ALK: variants seen among roughly 807,000 people sequenced by gnomAD.
ALK encodes ALK tyrosine kinase receptor.
ALK carries 74 observed loss-of-function variants against 163.1 expected under a neutral mutation model. That is an observed-to-expected ratio of 0.45 (90% CI 0.38 to 0.55). The LOEUF (loss-of-function observed/expected upper bound fraction) is 0.55, where lower values mean the gene tolerates loss of function less well. Ranked by LOEUF, ALK falls within the 20% of genes least tolerant of loss-of-function variation. The pLI is 0.00. For synonymous variants in ALK, 960 were observed against 843.2 expected, an observed-to-expected ratio of 1.14 and a Z score of -2.40; for missense variants, 2,063 against 2,105.3, an observed-to-expected ratio of 0.98 and a Z score of 0.39.
intron 1 of ALK, among the ~76,000 whole-genome samples, chr2:29,741,901 GGAGA>G: frequency 6.6e-6 from 1 of 152,254 alleles, no homozygotes; most frequent in Middle Eastern, 3.4e-3. Context: ...GAGGAGCTGG[GGAGA>G]GAGAATTACT....
chr2:29,819,820 C>T (rs917021199), intron 1 of ALK, among the ~76,000 whole-genome samples: 13 of 152,180 alleles, frequency 8.5e-5, no homozygotes, highest in African/African-American at 3.1e-4. Flanking sequence ...CTGGAAGTGA[C>T]TGCTTGCCTT....
intron 3 of ALK, among the ~76,000 whole-genome samples, chr2:29,658,696 C>T (rs1327073403): frequency 6.6e-6 from 1 of 152,108 alleles, no homozygotes; most frequent in Non-Finnish European, 1.5e-5. Flanking sequence ...TTTTATTTAG[C>T]ATACATATTA....
intron 1 of ALK, among the ~76,000 whole-genome samples, chr2:29,885,011 T>G (rs951150933): frequency 1.3e-5 from 2 of 151,772 alleles, no homozygotes; most frequent in African/African-American, 4.8e-5. Context: ...TCAGGACTTA[T>G]CAATACAGCT....
Position 29,618,409 on chromosome 2 carries a change from ATT to A in ALK, c.952+76439_952+76440del, listed in dbSNP as rs373897220. ...ACCTTCAAGTTGTCATCAGTTTGTC[ATT>A]TTTTTTTTTTTGTTGACAAATTAAG... is the stretch of plus-strand genomic sequence containing the variant. On this transcript the variant is annotated intron_variant, in intron 3 of 28. Transcript: ENST00000389048. 5.2e-3 allele frequency among the ~76,000 whole-genome samples: 751 copies of A among 145,564 alleles called. 8 individuals carry two copies. Among genetic ancestry groups the A allele is most frequent in the African/African-American group, 0.016 (659 of 39,984 alleles).
At chr2:29,205,850 C>T (rs924187828) in intron 26 of ALK, among the ~76,000 whole-genome samples, 1 of 152,302 alleles carries the variant, frequency 6.6e-6, no homozygotes, top group East Asian at 1.9e-4. Context: ...GGGATTAGGA[C>T]CTGATACCCT....
chr2:29,217,241 GTGTGTGATGTACGTGTGTGGTGTGTTTTT>G (rs1363975046), intron 23 of ALK, among the ~76,000 whole-genome samples: 1 of 150,902 alleles, frequency 6.6e-6, no homozygotes, highest in Non-Finnish European at 1.5e-5. Flanking sequence ...TATGTCTGTA[GTGTGTGATGTACGTGTGTGGTGTGTTTTT>G]TGTGTGGTGC....
rs76628110 is a variant in ALK at position 29,738,564 on chromosome 2, T to C, written c.668-20867A>G. Among the ~76,000 whole-genome samples the C allele has an allele frequency of 8.3e-4, 126 of 152,134 alleles. 2 individuals carry two copies. In the East Asian group the frequency reaches 8.5e-3, roughly 10 times the overall value. The stretch of plus-strand genomic sequence containing the variant: ...ATTTAGAGAAGGTTGCCCAGGTTTT[T>C]AGGACGAGGAGAAATATGAGACGTG... On this transcript the variant is annotated intron_variant, in intron 1 of 28. Transcript: ENST00000389048.
At chr2:29,814,621 C>T (rs941880480) in intron 1 of ALK, among the ~76,000 whole-genome samples, 5 of 151,652 alleles carry the variant, frequency 3.3e-5, no homozygotes, top group African/African-American at 1.2e-4. Flanking sequence ...GATCGCACCA[C>T]TGCACTCCAG....
At chr2:29,851,747 G>T (rs895456652) in intron 1 of ALK, among the ~76,000 whole-genome samples, 22 of 152,142 alleles carry the variant, frequency 1.4e-4, no homozygotes, top group South Asian at 2.1e-4. Flanking sequence ...TGAGAACAGG[G>T]GCCTGGCGGA....
intron 5 of ALK, among the ~76,000 whole-genome samples, chr2:29,330,460 T>C (rs1423037536): frequency 6.6e-6 from 1 of 152,142 alleles, no homozygotes; most frequent in Non-Finnish European, 1.5e-5. Context: ...CACAATCCCA[T>C]CATCTTCATC....
At chr2:29,659,431 T>A (rs1046685512) in intron 3 of ALK, among the ~76,000 whole-genome samples, 1 of 152,082 alleles carries the variant, frequency 6.6e-6, no homozygotes, top group Non-Finnish European at 1.5e-5. Context: ...AGGGTCTCCA[T>A]GGTGAGCTAT....
At position 29,752,348 on chromosome 2, in the gene ALK, CTTTTTT is replaced by C. The variant is rs34424748; in HGVS notation, c.668-34657_668-34652del. ...TTTGTGACTTCTGCTATTTTCTTTT[CTTTTTT>C]TTTTTTTTTTTTTGAGACGGAGTTT... On this transcript the variant is annotated intron_variant, in intron 1 of 28. Transcript: ENST00000389048. Among the ~76,000 whole-genome samples the C allele has an allele frequency of 5.8e-5, 7 of 120,984 alleles. 1 individual carries two copies. Among genetic ancestry groups the C allele is most frequent in the Admixed American group, 3.3e-4 (4 of 12,276 alleles). 79.4% of individuals were successfully genotyped at this position (120,984 alleles called of 152,430 possible).
At chr2:29,633,596 A>G (rs1389646918) in intron 3 of ALK, among the ~76,000 whole-genome samples, 2 of 152,090 alleles carry the variant, frequency 1.3e-5, no homozygotes, top group Non-Finnish European at 2.9e-5. Context: ...AATTGAAAAC[A>G]TAAAGACAAT....
intron 15 of ALK, among the ~76,000 whole-genome samples, chr2:29,231,231 G>A (rs996270751): frequency 6.6e-6 from 1 of 152,192 alleles, no homozygotes. Context: ...CCAGCTACTC[G>A]GGAGGCTGAG....
intron 1 of ALK, among the ~76,000 whole-genome samples, chr2:29,787,552 C>G (rs1265950325): frequency 6.6e-6 from 1 of 152,206 alleles, no homozygotes; most frequent in African/African-American, 2.4e-5. Flanking sequence ...GTCCATGGGA[C>G]GTATGCATAG....
rs533762431 is a variant in ALK at position 29,862,833 on chromosome 2, A to G, written c.667+57160T>C. Among the ~76,000 whole-genome samples, 5 of 151,964 alleles carry G rather than the reference A, an allele frequency of 3.3e-5. No homozygotes were observed. In the South Asian group the frequency reaches 1.0e-3, roughly 32 times the overall value. On this transcript the variant is annotated intron_variant, in intron 1 of 28. Transcript: ENST00000389048. Reference sequence around the variant, plus strand: ...GCCAAAGCAATCTTGAGAAAAAAAAAAACTGGGGGCATCACACTACCTGAT... The same window carrying G: ...GCCAAAGCAATCTTGAGAAAAAAAAGAACTGGGGGCATCACACTACCTGAT...
At chr2:29,900,750 T>C (rs1018190657) in intron 1 of ALK, among the ~76,000 whole-genome samples, 3 of 152,176 alleles carry the variant, frequency 2.0e-5, no homozygotes, top group African/African-American at 7.2e-5. Flanking sequence ...TGCTGCTTCA[T>C]CACTCTCCTC....
chr2:29,720,890 T>C (rs952746705), intron 1 of ALK, among the ~76,000 whole-genome samples: 1 of 151,986 alleles, frequency 6.6e-6, no homozygotes, highest in African/African-American at 2.4e-5. Context: ...CAGAGTGAAA[T>C]GGGCCTCATC....
At chr2:29,378,914 C>T (rs186735260) in intron 5 of ALK, among the ~76,000 whole-genome samples, 230 of 152,142 alleles carry the variant, frequency 1.5e-3, no homozygotes, top group African/African-American at 5.1e-3. Context: ...GGTTTCGCGA[C>T]GTTGGCCAGG....
Sources: gnomAD v4.1 joint callset for allele counts (sites outside exome capture counted in the v4.1 genomes callset) on GRCh38, gnomAD v4.1.1 for gene constraint, MANE v1.5 for transcripts, NCBI Gene and HGNC (gene_info 2026-07-23, HGNC 2026-07-21) for gene names.